The following MYH13 variants were observed in gnomAD, a reference collection of about 807,000 sequenced individuals.
MYH13 encodes myosin-13.
A neutral mutation model predicts 232.1 loss-of-function variants in MYH13; 177 were observed. The ratio of observed to expected loss-of-function variants is 0.76; its 90% CI spans 0.67 to 0.86. The LOEUF (loss-of-function observed/expected upper bound fraction) is 0.86. Ranked by LOEUF, MYH13 falls within the 40% of genes least tolerant of loss-of-function variation. The pLI, the probability that MYH13 is intolerant of heterozygous loss-of-function variation, is 0.00. For synonymous variants in MYH13, 884 were observed against 923.5 expected (o/e 0.96, Z 0.78); for missense variants, 2,246 against 2,405.9 (o/e 0.93, Z 1.39).
Position 10,360,054 on chromosome 17 carries a change from C to G in MYH13, c.551G>C (p.Gly184Ala). 1 of 1,614,084 alleles carries G rather than the reference C, an allele frequency of 6.2e-7. No homozygotes were observed. The highest frequency in any genetic ancestry group is 8.5e-7 in the Non-Finnish European group (1 of 1,180,018). ...GACACGCTTGGTGTTCACAGTCTTC[C>G]CAGCCCCGGATTCTCCGCTGCCAAT... Reference protein sequence around the residue: ...SILITGESGAGKTVNTKRVIQ... With the variant: ...SILITGESGAAKTVNTKRVIQ... The change falls in exon 7 of 41, where the codon GGG becomes GCG. Residue 184 changes from glycine to alanine, a missense_variant. By Grantham distance (60) the Gly-to-Ala change is moderately conservative. Coordinates refer to ENST00000252172, the MANE Select transcript of MYH13 (RefSeq NM_003802.3).
At position 10,309,657 on chromosome 17, in the gene MYH13, G is replaced by A. The variant is rs368346580; in HGVS notation, c.4830C>T (p.Arg1610=). ...TTAGCCTCAGGGCGTCGTTCCGGCT[G>A]CGGATTTCAGCATCCAGCACGCTCT... is the stretch of plus-strand genomic sequence containing the variant. ...ALQSVLDAEI[R]SRNDALRLKK... The change falls in exon 34 of 41, where the codon CGC becomes CGT. Residue 1610 remains arginine (R), a synonymous_variant. Transcript: ENST00000252172. 1 of 1,611,194 alleles carries A rather than the reference G, an allele frequency of 6.2e-7. No homozygotes were observed.
chr17:10,319,151 A>G lies in MYH13; in HGVS notation c.3377T>C (p.Ile1126Thr), dbSNP rs781066339. 2.9e-5 allele frequency: 46 copies of G among 1,613,774 alleles called. No individual in the cohort carries two copies. The highest frequency in any genetic ancestry group is 1.5e-4 in the African/African-American group (11 of 74,808). Reference protein sequence around the residue: ...QARIEELEEEIEAEHTLRAKI... With the variant: ...QARIEELEEETEAEHTLRAKI... ...GGCTCTGAGCGTGTGTTCCGCTTCA[A>G]TTTCCTCCTCCAGCTCTTCTATGCG... The change falls in exon 27 of 41, where the codon ATT becomes ACT. Residue 1126 changes from isoleucine to threonine, a missense_variant. Transcript: ENST00000252172.
Position 10,306,314 on chromosome 17 carries a change from A to T in MYH13, c.5466+145T>A. On this transcript the variant is annotated intron_variant, in intron 37 of 40. Coordinates refer to ENST00000252172, the MANE Select transcript of MYH13 (RefSeq NM_003802.3). This position sits in a 1 kb window ranked among gnomAD's most constrained non-coding sequence, Gnocchi z 4.3. ...TGAAACAGAAAGAGGTGAGAAATGA[A>T]GCTCACAGGGAATTTTTCAAGCAGT... 9.4e-7 allele frequency: 1 copy of T among 1,059,382 alleles called. No individual in the cohort carries two copies. 65.6% of individuals were successfully genotyped at this position (1,059,382 alleles called of 1,614,324 possible). A position where few individuals can be genotyped will look rare whatever the true frequency, so the allele number is the denominator to read the frequency against.
intron 5 of MYH13, among the ~76,000 whole-genome samples, chr17:10,361,379 C>A (rs985795064): frequency 5.9e-5 from 9 of 151,592 alleles, no homozygotes; most frequent in Admixed American, 5.3e-4. Flanking sequence ...GCAACCTCCT[C>A]CTCCCAGGTG....
chr17:10,339,317 G>A lies in MYH13; in HGVS notation c.2056+833C>T, dbSNP rs538936443. On this transcript the variant is annotated intron_variant, in intron 18 of 40. Coordinates refer to ENST00000252172, the MANE Select transcript of MYH13 (RefSeq NM_003802.3). The stretch of plus-strand genomic sequence containing the variant: ...AAATCAGGATGAAGTGACAGTTAAA[G>A]GAGTCCTCTATTGCACAGGGTTCTA... Among the ~76,000 whole-genome samples the A allele has an allele frequency of 1.2e-4, 19 of 152,320 alleles. No individual in the cohort carries two copies. In the South Asian group the frequency reaches 3.7e-3, roughly 30 times the overall value.
At position 10,371,278 on chromosome 17, in the gene MYH13, A is replaced by C. The variant is rs2071875876; in HGVS notation, c.-63-19T>G. The C allele has an allele frequency of 6.6e-6, 1 of 152,056 alleles. No homozygotes were observed. The highest frequency in any genetic ancestry group is 2.1e-4 in the South Asian group (1 of 4,830). The allele number at this position is 152,056 out of a possible 1,614,324, so 9.4% of individuals were successfully genotyped here. A position where few individuals can be genotyped will look rare whatever the true frequency, so the allele number is the denominator to read the frequency against. ...CGTCTTCCTGGGGATAATTTGAGAA[A>C]AAAAAACAAACCAAAAAAACCCAAA... On this transcript the variant is annotated intron_variant, in intron 1 of 40. Coordinates refer to ENST00000252172, the MANE Select transcript of MYH13 (RefSeq NM_003802.3).
intron 33 of MYH13, among the ~76,000 whole-genome samples, chr17:10,310,292 T>C (rs574455086): frequency 6.6e-6 from 1 of 152,082 alleles, no homozygotes. Flanking sequence ...GGTTTCACCA[T>C]GTTGCCTAGG....
chr17:10,301,336 C>G (rs1370470371), intron 40 of MYH13, among the ~76,000 whole-genome samples: 1 of 152,176 alleles, frequency 6.6e-6, no homozygotes, highest in African/African-American at 2.4e-5. Flanking sequence ...CAAGCTCTCC[C>G]TGGGTGGTCC....
intron 11 of MYH13, among the ~76,000 whole-genome samples, chr17:10,353,931 A>AAAAGGAAGGAAGGAAG: frequency 6.8e-6 from 1 of 146,170 alleles, no homozygotes; most frequent in East Asian, 2.0e-4. Flanking sequence ...AAGGAAGGAA[A>AAAAGGAAGGAAGGAAG]GAAGGAAGGA....
rs1906425415 is a variant in MYH13 at position 10,309,534 on chromosome 17, C to G, written c.4953G>C (p.Gln1651His). The change falls in exon 34 of 41, where the codon CAG (glutamine) becomes CAC (histidine). Residue 1651 changes from glutamine to histidine, a missense_variant. By Grantham distance (24) the Gln-to-His change is conservative (BLOSUM62 0). Transcript: ENST00000252172. ...AETQKHLRTV[Q>H]GQLKDSQLHL... ...CCACCGTGCTCACCTTGAGCTGGCC[C>G]TGGACCGTGCGCAGATGCTTCTGGG... 4.3e-6 allele frequency: 7 copies of G among 1,609,666 alleles called. No homozygotes were observed. In the East Asian group the frequency reaches 1.6e-4, roughly 36 times the overall value.
At chr17:10,337,293 C>T (rs78182487) in intron 18 of MYH13, among the ~76,000 whole-genome samples, 1 of 152,176 alleles carries the variant, frequency 6.6e-6, no homozygotes, top group Non-Finnish European at 1.5e-5. Flanking sequence ...CATTTAAAAA[C>T]AGCAGCAAGC....
At chr17:10,347,629 G>A (rs564245552) in intron 12 of MYH13, among the ~76,000 whole-genome samples, 10 of 149,662 alleles carry the variant, frequency 6.7e-5, no homozygotes, top group African/African-American at 2.5e-4. Context: ...TTCAGCAGAC[G>A]TTCATTGACT....
intron 6 of MYH13, 34 bp from the exon 7 acceptor site, chr17:10,360,105 G>C: frequency 6.2e-7 from 1 of 1,614,022 alleles, no homozygotes. Flanking sequence ...ATAAAGGAGA[G>C]TGGAAGGGAG....
At position 10,319,169 on chromosome 17, in the gene MYH13, T is replaced by C; in HGVS notation, c.3359A>G (p.Glu1120Gly). ...CGCTTCAATTTCCTCCTCCAGCTCT[T>C]CTATGCGGGCCTGAAAGGATTACTC... ...KKIKELQARI[E>G]ELEEEIEAEH... The change falls in exon 27 of 41, where the codon GAA becomes GGA. Residue 1120 changes from glutamate (E) to glycine (G), a missense_variant. Physicochemically the swap from Glu to Gly is moderately conservative, Grantham distance 98 (BLOSUM62 -2). Transcript: ENST00000252172. 6.2e-7 allele frequency: 1 copy of C among 1,613,696 alleles called. No individual in the cohort carries two copies. Among genetic ancestry groups the C allele is most frequent in the Non-Finnish European group, 8.5e-7 (1 of 1,179,838 alleles).
At chr17:10,329,994 T>C (rs748284453) in intron 21 of MYH13, among the ~76,000 whole-genome samples, 28 of 149,118 alleles carry the variant, frequency 1.9e-4, no homozygotes, top group Non-Finnish European at 3.6e-4. Flanking sequence ...AGCAAGACTC[T>C]GTCTAAAAAA....
At chr17:10,312,543 A>ATCT in intron 31 of MYH13, 31 bp downstream of exon 31, 1 of 1,593,744 alleles carries the variant, frequency 6.3e-7, no homozygotes. Context: ...TCCTCATGCC[A>ATCT]TCTTCACAAA....
In MYH13 at chr17:10,306,651, A is replaced by C. The variant is rs775820738; in HGVS notation, c.5296-22T>G. ...CAGCCTGGTTAAGTTCACAGGACAC[A>C]TCAGAGGCCCTGTCCGCCCATCCCT... On this transcript the variant is annotated intron_variant, in intron 36 of 40. Transcript: ENST00000252172. The surrounding 1 kb of genome is among the most constrained non-coding windows in gnomAD (Gnocchi z 4.3). The C allele has an allele frequency of 6.2e-7, 1 of 1,613,446 alleles. No individual in the cohort carries two copies. Among genetic ancestry groups the C allele is most frequent in the Non-Finnish European group, 8.5e-7 (1 of 1,179,894 alleles).
At chr17:10,321,133 C>G (rs1158411124) in intron 24 of MYH13, among the ~76,000 whole-genome samples, 2 of 152,068 alleles carry the variant, frequency 1.3e-5, no homozygotes, top group African/African-American at 2.4e-5. Flanking sequence ...TTCATGGCCA[C>G]AAATGGAACT....
At chr17:10,369,387 A>G (rs192497980) in intron 2 of MYH13, among the ~76,000 whole-genome samples, 1 of 152,380 alleles carries the variant, frequency 6.6e-6, no homozygotes, top group Admixed American at 6.5e-5. Flanking sequence ...AATATTCACT[A>G]GGTCTGGAGT....
Sources: gnomAD v4.1 joint callset for allele counts (sites outside exome capture counted in the v4.1 genomes callset) on GRCh38, gnomAD v4.1.1 for gene constraint, Gnocchi (gnomAD v3.1) non-coding constraint, MANE v1.5 for transcripts, NCBI Gene and HGNC (gene_info 2026-07-23, HGNC 2026-07-21) for gene names.